The following ABCA4 variants were observed in gnomAD, a reference collection of about 807,000 sequenced individuals.
ABCA4 encodes retinal-specific phospholipid-transporting ATPase ABCA4.
In ABCA4, 196 loss-of-function variants were observed where a neutral mutation model predicts 263.7. That is an observed-to-expected ratio of 0.74 (90% CI 0.66 to 0.84). ABCA4 has a LOEUF of 0.84. Ranked by LOEUF, ABCA4 falls within the 40% of genes least tolerant of loss-of-function variation. The pLI is 0.00. For synonymous variants in ABCA4, 1,133 were observed against 1,094.2 expected (o/e 1.04, Z -0.70); for missense variants, 2,792 against 2,855.1 (o/e 0.98, Z 0.50).
At position 94,044,671 on chromosome 1, in the gene ABCA4, G is replaced by A. The variant is rs62642566; in HGVS notation, c.2992C>T (p.Leu998=). 1 of 1,614,084 alleles carries A rather than the reference G, an allele frequency of 6.2e-7. No homozygotes were observed. Among genetic ancestry groups the A allele is most frequent in the African/African-American group, 1.3e-5 (1 of 74,928 alleles). The change falls in exon 20 of 50, where the codon CTG becomes TTG. Residue 998 remains leucine (L), a synonymous_variant. Coordinates refer to ENST00000370225, the MANE Select transcript of ABCA4 (RefSeq NM_000350.3). ...CCAAGGCTCTGCCGGACTGCATCCAGGCTGGTTTCAATGTCCCTTCCCCCA... is the reference window on the plus strand; with the variant it reads ...CCAAGGCTCTGCCGGACTGCATCCAAGCTGGTTTCAATGTCCCTTCCCCCA... The part of the protein sequence containing the change: ...LVGGRDIETS[L]DAVRQSLGMC...
At position 94,040,077 on chromosome 1, in the gene ABCA4, G is replaced by A. The variant is rs1277248926; in HGVS notation, c.3573C>T (p.His1191=). The change falls in exon 24 of 50, where the codon CAC becomes CAT. Residue 1191 remains histidine (H), a synonymous_variant. Transcript: ENST00000370225. The part of the protein sequence containing the change: ...SKGFSTTCPA[H]VDDLTPEQVL... ...CTTGTTCTGGAGTTAGGTCATCGACGTGGGCTGGACACGTGGTGGAGAAAC... is the reference window on the plus strand; with the variant it reads ...CTTGTTCTGGAGTTAGGTCATCGACATGGGCTGGACACGTGGTGGAGAAAC... The A allele has an allele frequency of 5.0e-6, 8 of 1,609,936 alleles. No individual in the cohort carries two copies. Among genetic ancestry groups the A allele is most frequent in the East Asian group, 2.2e-5 (1 of 44,852 alleles).
At chr1:94,001,569 G>A (rs533863701) in intron 45 of ABCA4, 13 of 601,062 alleles carry the variant, frequency 2.2e-5, no homozygotes, top group Non-Finnish European at 3.4e-5. Flanking sequence ...CCGACAGGCC[G>A]CAGAGTGGGC....
At chr1:94,088,717 G>A (rs1661897860) in intron 6 of ABCA4, among the ~76,000 whole-genome samples, 1 of 152,174 alleles carries the variant, frequency 6.6e-6, no homozygotes, top group South Asian at 2.1e-4. Flanking sequence ...ATAGCAGAGG[G>A]TAACCAAGGG....
chr1:94,061,584 G>A (rs574002961), intron 13 of ABCA4: 3 of 152,470 alleles, frequency 2.0e-5, no homozygotes, highest in Non-Finnish European at 2.9e-5. Context: ...TGTTCGTAAA[G>A]CATGCACTTC....
At chr1:94,024,365 A>G (rs909305559) in intron 31 of ABCA4, among the ~76,000 whole-genome samples, 1 of 152,196 alleles carries the variant, frequency 6.6e-6, no homozygotes, top group African/African-American at 2.4e-5. Context: ...TGGAGAGCCA[A>G]GAGAACTAGA....
intron 21 of ABCA4, 139 bp downstream of exon 21, chr1:94,043,197 C>T: frequency 1.6e-6 from 2 of 1,279,372 alleles, no homozygotes; most frequent in Non-Finnish European, 2.2e-6. Flanking sequence ...GGGGGCTGCT[C>T]TTAGATTTTT....
At position 94,048,855 on chromosome 1, in the gene ABCA4, A is replaced by G; in HGVS notation, c.2743+13T>C. 2 of 1,613,458 alleles carry G rather than the reference A, an allele frequency of 1.2e-6. No individual in the cohort carries two copies. The highest frequency in any genetic ancestry group is 2.2e-5 in the South Asian group (2 of 91,048). ...TCCTCGCCTCTGCTGTGTATTCTTT[A>G]TCGGGGTTTTACCGTGTATTCCTTC... On this transcript the variant is annotated intron_variant, in intron 18 of 49. Coordinates refer to ENST00000370225, the MANE Select transcript of ABCA4 (RefSeq NM_000350.3).
At chr1:94,053,348 T>A (rs1284817201) in intron 16 of ABCA4, among the ~76,000 whole-genome samples, 1 of 152,160 alleles carries the variant, frequency 6.6e-6, no homozygotes, top group Non-Finnish European at 1.5e-5. Flanking sequence ...TCAATTGAAT[T>A]CTTGGACAAC....
rs62642579 is a variant in ABCA4 at position 94,010,857 on chromosome 1, C to T, written c.5657G>A (p.Gly1886Glu). The change falls in exon 40 of 50, where the codon GGG becomes GAG. Residue 1886 changes from glycine (G) to glutamate (E), a missense_variant. Transcript: ENST00000370225. ...CAGGGTCAGGAGGAAGTACACCACC[C>T]CTTCCACCACCATGGCAAACAGGTT... ...GKNLFAMVVE[G>E]VVYFLLTLLV... 3 of 1,613,990 alleles carry T rather than the reference C, an allele frequency of 1.9e-6. No homozygotes were observed. The highest frequency in any genetic ancestry group is 1.3e-5 in the African/African-American group (1 of 74,886).
chr1:94,043,184 T>C, intron 21 of ABCA4, 152 bp downstream of exon 21: 1 of 1,159,340 alleles, frequency 8.6e-7, no homozygotes, highest in South Asian at 1.5e-5. Context: ...GGGAAAATGA[T>C]CTGGGGGCTG....
chr1:94,015,897 C>A, intron 36 of ABCA4, 43 bp from the exon 37 acceptor site: 4 of 1,540,094 alleles, frequency 2.6e-6, no homozygotes, highest in Non-Finnish European at 3.6e-6. Flanking sequence ...ACCTCTCAGA[C>A]CTGCTGCCAG....
At chr1:94,116,968 C>CTG in intron 1 of ABCA4, among the ~76,000 whole-genome samples, 2 of 100,052 alleles carry the variant, frequency 2.0e-5, no homozygotes, top group East Asian at 6.4e-4. Flanking sequence ...TTCTTTCTTT[C>CTG]TCTTTCTTTC....
intron 4 of ABCA4, among the ~76,000 whole-genome samples, chr1:94,106,755 A>T (rs1412518400): frequency 1.3e-5 from 2 of 152,180 alleles, no homozygotes; most frequent in Non-Finnish European, 2.9e-5. Flanking sequence ...TCTCACTTGG[A>T]TGGGGAGAGA....
intron 48 of ABCA4, among the ~76,000 whole-genome samples, chr1:93,996,873 G>A (rs1659021281): frequency 6.6e-6 from 1 of 152,142 alleles, no homozygotes; most frequent in South Asian, 2.1e-4. Context: ...CTAAGTCCTC[G>A]CATAATAAGC....
Position 94,021,278 on chromosome 1 carries a change from G to C in ABCA4, c.4980C>G (p.Pro1660=). The change falls in exon 35 of 50, where the codon CCC becomes CCG. Residue 1660 remains proline (P), a synonymous_variant. Coordinates refer to ENST00000370225, the MANE Select transcript of ABCA4 (RefSeq NM_000350.3). ...AGAGCTGCTCCTTGGTCAGGTTCAG[G>C]GGTTGGCTAATGACGGTGATTCCAT... ...EEYGITVISQ[P]LNLTKEQLSE... is the part of the protein sequence containing the mutation. 6.2e-7 allele frequency: 1 copy of C among 1,614,198 alleles called. No homozygotes were observed. Among genetic ancestry groups the C allele is most frequent in the Non-Finnish European group, 8.5e-7 (1 of 1,180,040 alleles).
At chr1:94,000,751 G>A (rs769802422) in intron 47 of ABCA4, 85 bp downstream of exon 47, 12 of 1,403,982 alleles carry the variant, frequency 8.5e-6, no homozygotes, top group Non-Finnish European at 1.2e-5. Context: ...CGGAGCAGCA[G>A]GACTCTTCCA....
chr1:94,022,152 G>A (rs1355217873), intron 32 of ABCA4, among the ~76,000 whole-genome samples: 1 of 152,138 alleles, frequency 6.6e-6, no homozygotes, highest in Non-Finnish European at 1.5e-5. Context: ...CCTCATCCTG[G>A]CCTCTGAGGC....
Position 94,028,993 on chromosome 1 carries a change from A to G in ABCA4, c.4539+452T>C, listed in dbSNP as rs1443952294. 2.0e-5 allele frequency among the ~76,000 whole-genome samples: 3 copies of G among 151,580 alleles called. No homozygotes were observed. The East Asian group carries it at 5.8e-4, about 29-fold the overall frequency. ...GTGATGCAGATGTCTATTTATTGAC[A>G]TGGATGCATGTTCCTAGTAAATTAT... is the stretch of plus-strand genomic sequence containing the variant. On this transcript the variant is annotated intron_variant, in intron 30 of 49. Coordinates refer to ENST00000370225, the MANE Select transcript of ABCA4 (RefSeq NM_000350.3).
chr1:94,022,182 G>A (rs535469105), intron 32 of ABCA4, among the ~76,000 whole-genome samples: 22 of 152,182 alleles, frequency 1.4e-4, no homozygotes, highest in Non-Finnish European at 2.8e-4. Flanking sequence ...TCTGGTCTGT[G>A]CCCCTCTCCA....
Sources: gnomAD v4.1 joint callset for allele counts (sites outside exome capture counted in the v4.1 genomes callset) on GRCh38, gnomAD v4.1.1 for gene constraint, MANE v1.5 for transcripts, NCBI Gene and HGNC (gene_info 2026-07-23, HGNC 2026-07-21) for gene names.